The following EXOC6 variants were observed in gnomAD, a reference collection of about 807,000 sequenced individuals.
The protein encoded by EXOC6 is exocyst complex component 6, also known as SEC15-like 1.
A neutral mutation model predicts 112.5 loss-of-function variants in EXOC6; 60 were observed. The observed-to-expected ratio is 0.53, with a 90% CI of 0.43 to 0.66. EXOC6 has a LOEUF of 0.66. Ranked by LOEUF, EXOC6 falls within the 30% of genes least tolerant of loss-of-function variation. The probability of loss-of-function intolerance (pLI) is 0.00; values close to 1 mark genes in which losing one functional copy is unlikely to be tolerated. For missense variants in EXOC6, 855 were observed against 957.1 expected, an observed-to-expected ratio of 0.89 and a Z score of 1.41; for synonymous variants, 295 against 308.0, an observed-to-expected ratio of 0.96 and a Z score of 0.44.
chr10:93,055,788 C>A (rs974545645), intron 20 of EXOC6, among the ~76,000 whole-genome samples: 3 of 152,090 alleles, frequency 2.0e-5, no homozygotes, highest in Non-Finnish European at 2.9e-5. Flanking sequence ...ATAGAATTTT[C>A]TGCCTGTTGC....
Position 92,909,443 on chromosome 10 carries a change from A to C in EXOC6, c.475A>C (p.Lys159Gln). Residue 159 changes from lysine (K) to glutamine (Q), a missense_variant, in exon 6 of 22, where the codon AAA (lysine) becomes CAA (glutamine). Lys to Gln is a moderately conservative substitution (Grantham distance 53). Coordinates refer to ENST00000260762, the MANE Select transcript of EXOC6 (RefSeq NM_019053.6). The part of the protein sequence containing the change: ...MSAKRYYSAL[K>Q]TMEQLENVYF... ...TTCTCACAGGTACTATTCTGCCCTA[A>C]AAACTATGGAACAATTAGAGAATGT... 6.2e-7 allele frequency: 1 copy of C among 1,612,300 alleles called. No individual in the cohort carries two copies. The highest frequency in any genetic ancestry group is 8.5e-7 in the Non-Finnish European group (1 of 1,179,142).
rs1347942366 is a variant in EXOC6, at chr10:92,934,403, G to A, written c.1113G>A (p.Lys371=). The change falls in exon 11 of 22, where the codon AAG becomes AAA. Residue 371 remains lysine, a synonymous_variant. Coordinates refer to ENST00000260762, the MANE Select transcript of EXOC6 (RefSeq NM_019053.6). ...AACTTTGGAACATGGCCCTCTCAAA[G>A]ATAATTGCTGTCCTTAGAGCTCATT... ...TDELWNMALS[K]IIAVLRAHSS... is the part of the protein sequence containing the mutation. The A allele has an allele frequency of 1.9e-6, 3 of 1,597,898 alleles. No individual in the cohort carries two copies. The highest frequency in any genetic ancestry group is 1.8e-5 in the Admixed American group (1 of 56,902).
At chr10:93,021,214 G>T (rs1284452138) in intron 20 of EXOC6, among the ~76,000 whole-genome samples, 1 of 151,910 alleles carries the variant, frequency 6.6e-6, no homozygotes, top group Non-Finnish European at 1.5e-5. Context: ...AGGCATGGTG[G>T]CTCACACCTG....
chr10:92,995,630 C>T (rs1843451506), intron 18 of EXOC6, among the ~76,000 whole-genome samples: 1 of 152,080 alleles, frequency 6.6e-6, no homozygotes, highest in Non-Finnish European at 1.5e-5. Context: ...TCTCTGCTTC[C>T]CCACTTCTCA....
At chr10:93,000,390 C>T (rs1843706398) in intron 19 of EXOC6, among the ~76,000 whole-genome samples, 1 of 152,160 alleles carries the variant, frequency 6.6e-6, no homozygotes, top group Non-Finnish European at 1.5e-5. Flanking sequence ...GGATAGTTTC[C>T]ACTTTCAGAT....
At chr10:92,931,242 A>G (rs1053687135) in intron 9 of EXOC6, among the ~76,000 whole-genome samples, 3 of 152,018 alleles carry the variant, frequency 2.0e-5, no homozygotes, top group Admixed American at 6.6e-5. Context: ...ATAACTCAGT[A>G]ATTGAAGACC....
chr10:92,829,246 G>A (rs1419906250), intron 1 of EXOC6, among the ~76,000 whole-genome samples: 1 of 152,088 alleles, frequency 6.6e-6, no homozygotes, highest in Non-Finnish European at 1.5e-5. Context: ...CTATGTAAAC[G>A]TCACAACTGG....
At chr10:92,962,203 A>G (rs1399496990) in intron 17 of EXOC6, among the ~76,000 whole-genome samples, 1 of 152,116 alleles carries the variant, frequency 6.6e-6, no homozygotes, top group African/African-American at 2.4e-5. Context: ...AAGAAATGAA[A>G]TATTCTGTCT....
intron 5 of EXOC6, 190 bp downstream of exon 5, chr10:92,899,834 G>A: frequency 2.1e-6 from 1 of 475,172 alleles, no homozygotes; most frequent in Non-Finnish European, 3.7e-6. Flanking sequence ...ATAAATCATT[G>A]TCCTTTATAA....
chr10:93,051,994 T>A (rs1330470183), intron 20 of EXOC6, among the ~76,000 whole-genome samples: 2 of 152,214 alleles, frequency 1.3e-5, no homozygotes, highest in African/African-American at 4.8e-5. Context: ...CCCAGGTCAC[T>A]GTTCACGTTT....
At chr10:92,877,642 C>T (rs1372626768) in intron 1 of EXOC6, among the ~76,000 whole-genome samples, 13 of 152,132 alleles carry the variant, frequency 8.5e-5, no homozygotes. Context: ...TTCTGCAAAG[C>T]TGAGAAATGA....
chr10:92,860,507 C>T (rs1394758111), intron 1 of EXOC6, among the ~76,000 whole-genome samples: 3 of 152,028 alleles, frequency 2.0e-5, no homozygotes, highest in African/African-American at 4.8e-5. Context: ...GTGATCCACC[C>T]GCCTCGGCCT....
At chr10:92,962,205 A>C (rs1051995249) in intron 17 of EXOC6, among the ~76,000 whole-genome samples, 1 of 152,134 alleles carries the variant, frequency 6.6e-6, no homozygotes, top group African/African-American at 2.4e-5. Flanking sequence ...GAAATGAAAT[A>C]TTCTGTCTTG....
chr10:92,984,084 T>C (rs1439116226), intron 18 of EXOC6, among the ~76,000 whole-genome samples: 1 of 152,178 alleles, frequency 6.6e-6, no homozygotes, highest in East Asian at 1.9e-4. Flanking sequence ...GTGTTTGTTA[T>C]GATTATGCCC....
chr10:92,931,435 G>T (rs1037851609), intron 9 of EXOC6, among the ~76,000 whole-genome samples: 1 of 147,446 alleles, frequency 6.8e-6, no homozygotes, highest in Admixed American at 6.7e-5. Flanking sequence ...ATGGGACATA[G>T]AGTGATATTT....
upstream of EXOC6, among the ~76,000 whole-genome samples, chr10:92,832,706 T>TC (rs397793963): frequency 2.6e-5 from 4 of 151,366 alleles, no homozygotes; most frequent in South Asian, 2.1e-4. Flanking sequence ...TTTTTTTTTT[T>TC]GGCTGGAGTT....
intron 8 of EXOC6, among the ~76,000 whole-genome samples, chr10:92,923,351 A>AT (rs1358696507): frequency 6.6e-6 from 1 of 152,184 alleles, no homozygotes; most frequent in Non-Finnish European, 1.5e-5. Flanking sequence ...GATAGTGACC[A>AT]TATTAGTTAT....
At chr10:92,895,524 T>G (rs1046100631) in intron 4 of EXOC6, among the ~76,000 whole-genome samples, 1 of 152,140 alleles carries the variant, frequency 6.6e-6, no homozygotes, top group Non-Finnish European at 1.5e-5. Flanking sequence ...CCTCCTGTAT[T>G]TTGGAAACGC....
chr10:92,849,485 A>C (rs1293439585), intron 1 of EXOC6, among the ~76,000 whole-genome samples: 1 of 152,202 alleles, frequency 6.6e-6, no homozygotes, highest in Non-Finnish European at 1.5e-5. Flanking sequence ...GCCATGGGTT[A>C]GGTTAGGCAC....
Sources: gnomAD v4.1 joint callset for allele counts (sites outside exome capture counted in the v4.1 genomes callset) on GRCh38, gnomAD v4.1.1 for gene constraint, MANE v1.5 for transcripts, NCBI Gene and HGNC (gene_info 2026-07-23, HGNC 2026-07-21) for gene names.